Variants in CEP128 observed in about 807,000 individuals in gnomAD.
The protein encoded by CEP128 is centrosomal protein 128kDa.
A neutral mutation model predicts 156.7 loss-of-function variants in CEP128; 132 were observed. The observed-to-expected ratio is 0.84, with a 90% CI of 0.73 to 0.97. CEP128 has a LOEUF of 0.97. CEP128 is among the 50% of genes least tolerant of loss of function. The pLI is 0.00. For synonymous variants in CEP128, 469 were observed against 448.9 expected (o/e 1.04, Z -0.57); for missense variants, 1,252 against 1,281.9 (o/e 0.98, Z 0.36).
At position 80,904,941 on chromosome 14, in the gene CEP128, T is replaced by C. The variant is rs1023237592; in HGVS notation, c.362-10A>G. ...GGAAAATGATGGAGCTCTTCACAAG[T>C]GAAAGAAAAGGGAAGGTATTAAAAT... On this transcript the variant is annotated splice_polypyrimidine_tract_variant and intron_variant, in intron 5 of 24. Transcript: ENST00000555265. The C allele has an allele frequency of 6.8e-7, 1 of 1,469,148 alleles. No homozygotes were observed. Among genetic ancestry groups the C allele is most frequent in the Non-Finnish European group, 9.5e-7 (1 of 1,047,990 alleles). 91.0% of individuals were successfully genotyped at this position (1,469,148 alleles called of 1,614,324 possible).
intron 19 of CEP128, among the ~76,000 whole-genome samples, chr14:80,720,774 G>A (rs1326481488): frequency 2.0e-5 from 3 of 152,174 alleles, no homozygotes; most frequent in Non-Finnish European, 1.5e-5. Context: ...TCTAAGCAAT[G>A]CAGACAAACT....
intron 19 of CEP128, among the ~76,000 whole-genome samples, chr14:80,639,747 G>A (rs970013673): frequency 6.6e-6 from 1 of 152,088 alleles, no homozygotes; most frequent in African/African-American, 2.4e-5. Flanking sequence ...AGAAATTGAG[G>A]AGATAATTCA....
At chr14:80,621,125 C>T (rs954924192) in intron 19 of CEP128, among the ~76,000 whole-genome samples, 1 of 152,168 alleles carries the variant, frequency 6.6e-6, no homozygotes, top group Admixed American at 6.5e-5. Flanking sequence ...CTGAGTGGCG[C>T]ATATATGACC....
chr14:80,498,748 C>T (rs1887606794), intron 24 of CEP128, among the ~76,000 whole-genome samples: 1 of 152,172 alleles, frequency 6.6e-6, no homozygotes, highest in Non-Finnish European at 1.5e-5. Context: ...TGTTTACTTG[C>T]TCGCTACTTG....
intron 19 of CEP128, among the ~76,000 whole-genome samples, chr14:80,727,573 A>T (rs1898067068): frequency 1.3e-5 from 2 of 152,176 alleles, no homozygotes. Context: ...AAAAGAAACT[A>T]TCAACAAACA....
intron 9 of CEP128, among the ~76,000 whole-genome samples, chr14:80,848,227 T>A (rs1448370243): frequency 6.6e-6 from 1 of 152,170 alleles, no homozygotes; most frequent in Non-Finnish European, 1.5e-5. Flanking sequence ...GCACAAACCG[T>A]ACAACTGTTT....
chr14:80,509,570 T>C (rs2140210120), intron 23 of CEP128, among the ~76,000 whole-genome samples: 1 of 152,272 alleles, frequency 6.6e-6, no homozygotes, highest in Middle Eastern at 3.4e-3. Context: ...TTGCAAAAAC[T>C]TTCCCCCATT....
intron 4 of CEP128, among the ~76,000 whole-genome samples, chr14:80,913,741 T>C (rs1884384309): frequency 6.6e-6 from 1 of 151,736 alleles, no homozygotes; most frequent in Admixed American, 6.6e-5. Flanking sequence ...GTATACAGAG[T>C]GGTATAATGG....
chr14:80,566,901 A>C (rs1428964263), intron 20 of CEP128, among the ~76,000 whole-genome samples: 1 of 102,480 alleles, frequency 9.8e-6, no homozygotes, highest in East Asian at 4.0e-4. Context: ...AAAGTTGTCA[A>C]GGAAAAAAAA....
downstream of CEP128, among the ~76,000 whole-genome samples, chr14:80,495,953 A>G (rs1887479168): frequency 1.3e-5 from 2 of 152,184 alleles, no homozygotes; most frequent in East Asian, 3.8e-4. Context: ...TATATGGATC[A>G]CCAGGACTGT....
intron 23 of CEP128, among the ~76,000 whole-genome samples, chr14:80,519,770 C>A (rs1459430334): frequency 3.3e-5 from 5 of 152,194 alleles, no homozygotes; most frequent in Non-Finnish European, 7.4e-5. Context: ...ATCTACCCAT[C>A]TTTCCATCTA....
chr14:80,733,909 G>A (rs962344336), intron 19 of CEP128, among the ~76,000 whole-genome samples: 1 of 152,170 alleles, frequency 6.6e-6, no homozygotes, highest in African/African-American at 2.4e-5. Context: ...AATTCAGTCT[G>A]TTAGAGGACA....
At chr14:80,554,924 C>T (rs1280211875) in intron 21 of CEP128, among the ~76,000 whole-genome samples, 3 of 151,698 alleles carry the variant, frequency 2.0e-5, no homozygotes, top group South Asian at 4.2e-4. Flanking sequence ...TTGCTCTTTC[C>T]GAAAGAGCCA....
intron 19 of CEP128, among the ~76,000 whole-genome samples, chr14:80,646,827 T>C (rs2140823596): frequency 6.6e-6 from 1 of 151,448 alleles, no homozygotes; most frequent in South Asian, 2.1e-4. Context: ...TATTTAGCAC[T>C]CTTATTCTCT....
At chr14:80,665,882 G>A (rs991877162) in intron 19 of CEP128, among the ~76,000 whole-genome samples, 1 of 152,016 alleles carries the variant, frequency 6.6e-6, no homozygotes, top group African/African-American at 2.4e-5. Context: ...AACCAGAAAG[G>A]ATGCCATAAA....
intron 20 of CEP128, among the ~76,000 whole-genome samples, chr14:80,578,268 G>A: frequency 6.6e-6 from 1 of 152,096 alleles, no homozygotes; most frequent in Non-Finnish European, 1.5e-5. Flanking sequence ...CAGAATTGGT[G>A]CTTGATAAGG....
chr14:80,803,327 T>G (rs528451707), intron 13 of CEP128, among the ~76,000 whole-genome samples: 1 of 146,598 alleles, frequency 6.8e-6, no homozygotes, highest in African/African-American at 2.5e-5. Flanking sequence ...GAAGAAATGA[T>G]ACTTTCTTCA....
intron 19 of CEP128, among the ~76,000 whole-genome samples, chr14:80,649,571 C>T (rs1476293651): frequency 1.3e-5 from 2 of 152,082 alleles, no homozygotes; most frequent in Admixed American, 6.6e-5. Context: ...ACTTGCAGGA[C>T]TTGTTAAACA....
intron 16 of CEP128, among the ~76,000 whole-genome samples, chr14:80,764,211 T>G (rs1900116875): frequency 6.6e-6 from 1 of 152,170 alleles, no homozygotes; most frequent in Non-Finnish European, 1.5e-5. Flanking sequence ...GAAAATTTCA[T>G]TATCCGGCCG....
Sources: gnomAD v4.1 joint callset for allele counts (sites outside exome capture counted in the v4.1 genomes callset) on GRCh38, gnomAD v4.1.1 for gene constraint, MANE v1.5 for transcripts, NCBI Gene and HGNC (gene_info 2026-07-23, HGNC 2026-07-21) for gene names.